DNAH8: variants seen among roughly 807,000 people sequenced by gnomAD.
The protein encoded by DNAH8 is dynein axonemal heavy chain 8.
In DNAH8, 382 loss-of-function variants were observed where a neutral mutation model predicts 562.1. That is an observed-to-expected ratio of 0.68 (90% CI 0.63 to 0.74). DNAH8 has a LOEUF of 0.74. Among genes scored for constraint, DNAH8 ranks in the 30% least tolerant of loss-of-function variants. The probability of loss-of-function intolerance (pLI) is 0.00; values close to 1 mark genes in which losing one functional copy is unlikely to be tolerated. For synonymous variants in DNAH8, 1,881 were observed against 1,919.4 expected (o/e 0.98, Z 0.52); for missense variants, 5,203 against 5,620.4 (o/e 0.93, Z 2.37).
rs1373738757 is a variant in DNAH8 at position 38,973,809 on chromosome 6, T to C, written c.12674T>C (p.Leu4225Pro). 37 of 1,595,996 alleles carry C rather than the reference T, an allele frequency of 2.3e-5. No homozygotes were observed. Among genetic ancestry groups the C allele is most frequent in the Non-Finnish European group, 3.2e-5 (37 of 1,174,560 alleles). ...CATGATCGATTTCCAATTACATTGC[T>C]TCAGGTTTGTTACTAAACGTCTTTT... ...EPHDRFPITL[L>P]QTSLKFTNEP... The change falls in exon 84 of 93, where the codon CTT becomes CCT. Residue 4225 changes from leucine (L) to proline (P), a missense_variant. This residue lies in a region of DNAH8 where 1,399 missense variants were observed against 1,518.4 expected (regional missense o/e 0.92). Transcript: ENST00000327475.
Position 38,956,047 on chromosome 6 carries a change from C to T in DNAH8, c.12451+4527C>T, listed in dbSNP as rs552409984. ...ACACTAGTGTCTCAGTGCAGAGGCT[C>T]GTCTGCCTGCCAACATCGATCTTGG... is the stretch of plus-strand genomic sequence containing the variant. On this transcript the variant is annotated intron_variant, in intron 82 of 92. Transcript: ENST00000327475. Among the ~76,000 whole-genome samples, 3 of 152,328 alleles carry T rather than the reference C, an allele frequency of 2.0e-5. No homozygotes were observed. The South Asian group carries it at 6.2e-4, about 32-fold the overall frequency.
chr6:38,996,637 C>T (rs1175776596), intron 88 of DNAH8, among the ~76,000 whole-genome samples: 1 of 152,126 alleles, frequency 6.6e-6, no homozygotes, highest in East Asian at 1.9e-4. Context: ...GGATGCAGGC[C>T]TAGAATAGGG....
chr6:38,850,502 T>G, intron 38 of DNAH8, 88 bp downstream of exon 38: 2 of 1,211,450 alleles, frequency 1.7e-6, no homozygotes, highest in Non-Finnish European at 2.3e-6. Flanking sequence ...ATTTCTGGTT[T>G]GGTAGTGATG....
At chr6:38,875,882 T>C in intron 53 of DNAH8, 54 bp downstream of exon 53, 1 of 1,175,732 alleles carries the variant, frequency 8.5e-7, no homozygotes, top group Non-Finnish European at 1.2e-6. Context: ...AATGAGAAAA[T>C]ATAAGCTTTC....
chr6:38,966,207 T>C (rs567192133), intron 82 of DNAH8, among the ~76,000 whole-genome samples: 2 of 152,268 alleles, frequency 1.3e-5, no homozygotes, highest in African/African-American at 4.8e-5. Flanking sequence ...CCTAAGGGAA[T>C]ACTGTGAACA....
At position 38,722,780 on chromosome 6, in the gene DNAH8, C is replaced by T. The variant is rs1475684211; in HGVS notation, c.-30C>T. 3.9e-6 allele frequency: 6 copies of T among 1,528,212 alleles called. No individual in the cohort carries two copies. The highest frequency in any genetic ancestry group is 3.8e-5 in the South Asian group (3 of 78,186). 94.7% of individuals were successfully genotyped at this position (1,528,212 alleles called of 1,614,324 possible). ...GAACCTATGTTATAATTCTAGGTTT[C>T]GAAGTATAAAGCATTCCGCACGACG... On this transcript the variant is annotated 5_prime_UTR_variant, in exon 2 of 93. Coordinates refer to ENST00000327475, the MANE Select transcript of DNAH8 (RefSeq NM_001206927.2).
In DNAH8 at chr6:38,791,558, A is replaced by C; in HGVS notation, c.2785A>C (p.Ser929Arg). ...CTTACATTTTTCTTCCTTGTAGATC[A>C]GTGACTTGTGTGAAATGCATATTGA... ...DMFNQLLKKI[S>R]DLCEMHIDTV... is the part of the protein sequence containing the mutation. Residue 929 changes from serine (S) to arginine (R), a missense_variant, in exon 21 of 93, where the codon AGT becomes CGT. Ser to Arg is a moderately radical substitution (Grantham distance 110). Coordinates refer to ENST00000327475, the MANE Select transcript of DNAH8 (RefSeq NM_001206927.2). The C allele has an allele frequency of 6.2e-7, 1 of 1,608,224 alleles. No individual in the cohort carries two copies. Among genetic ancestry groups the C allele is most frequent in the Non-Finnish European group, 8.5e-7 (1 of 1,178,660 alleles).
In DNAH8 at chr6:38,872,949, C is replaced by T. The variant is rs544209258; in HGVS notation, c.7281C>T (p.Ile2427=). 1 of 1,614,084 alleles carries T rather than the reference C, an allele frequency of 6.2e-7. No homozygotes were observed. The highest frequency in any genetic ancestry group is 1.1e-5 in the South Asian group (1 of 91,082). The change falls in exon 51 of 93, where the codon ATC becomes ATT. Residue 2427 remains isoleucine (I), a synonymous_variant. Transcript: ENST00000327475. ...FLILDGPVDA[I]WIENLNSVLD... is the part of the protein sequence containing the mutation. ...TTTTAGATGGTCCTGTGGATGCCAT[C>T]TGGATTGAGAACTTAAATTCCGTTT... is the stretch of plus-strand genomic sequence containing the variant.
intron 9 of DNAH8, among the ~76,000 whole-genome samples, chr6:38,751,550 C>G (rs960134182): frequency 1.3e-5 from 2 of 152,122 alleles, no homozygotes; most frequent in Non-Finnish European, 2.9e-5. Flanking sequence ...GTGACTTTGC[C>G]AGCATCACTC....
intron 26 of DNAH8, among the ~76,000 whole-genome samples, chr6:38,819,746 A>G (rs1415303735): frequency 6.6e-6 from 1 of 152,182 alleles, no homozygotes; most frequent in African/African-American, 2.4e-5. Context: ...AAATCTAGAA[A>G]TAATTGTTAC....
Position 38,866,580 on chromosome 6 carries a change from T to C in DNAH8, c.6499-11T>C, listed in dbSNP as rs749503082. ...TTAGCAATTAAAAATTAAACATATTTTAACTTTTAGAACCCTGGATATGCT... is the reference window on the plus strand; with the variant it reads ...TTAGCAATTAAAAATTAAACATATTCTAACTTTTAGAACCCTGGATATGCT... On this transcript the variant is annotated splice_polypyrimidine_tract_variant and intron_variant, in intron 45 of 92. Transcript: ENST00000327475. 6.3e-7 allele frequency: 1 copy of C among 1,583,882 alleles called. No homozygotes were observed. Among genetic ancestry groups the C allele is most frequent in the Non-Finnish European group, 8.6e-7 (1 of 1,166,730 alleles).
intron 14 of DNAH8, 81 bp downstream of exon 14, chr6:38,778,545 G>T: frequency 2.3e-6 from 2 of 886,644 alleles, no homozygotes; most frequent in Admixed American, 2.3e-5. Context: ...TTAGGATGTT[G>T]TTGGAAATCT....
At chr6:38,725,011 A>G (rs1763089798) in intron 3 of DNAH8, among the ~76,000 whole-genome samples, 1 of 151,972 alleles carries the variant, frequency 6.6e-6, no homozygotes. Context: ...TGCCTAAAAG[A>G]GCTACTCCCG....
chr6:39,028,145 A>G (rs750423778), intron 92 of DNAH8, among the ~76,000 whole-genome samples: 5 of 152,202 alleles, frequency 3.3e-5, no homozygotes, highest in Non-Finnish European at 7.3e-5. Flanking sequence ...GGCAGTTTCA[A>G]AATTCCTCCA....
intron 52 of DNAH8, among the ~76,000 whole-genome samples, chr6:38,874,854 C>A (rs753049290): frequency 2.6e-5 from 4 of 151,946 alleles, no homozygotes; most frequent in African/African-American, 9.7e-5. Flanking sequence ...TATATAAGGC[C>A]GAAATCAGTG....
At position 38,925,286 on chromosome 6, in the gene DNAH8, A is replaced by ATTATTTTATT. The variant is rs72056166; in HGVS notation, c.10963-716_10963-707dup. Among the ~76,000 whole-genome samples, 769 of 130,000 alleles carry ATTATTTTATT rather than the reference A, an allele frequency of 5.9e-3. 44 individuals are homozygous for ATTATTTTATT. In the East Asian group the frequency reaches 0.11, roughly 19 times the overall value. The allele number at this position is 130,000 out of a possible 152,430, so 85.3% of individuals were successfully genotyped here. A position where few individuals can be genotyped will look rare whatever the true frequency, so the allele number is the denominator to read the frequency against. On this transcript the variant is annotated intron_variant, in intron 73 of 92. Transcript: ENST00000327475. The stretch of plus-strand genomic sequence containing the variant: ...GGCTGGTTGGCTCATTGGATCTCTG[A>ATTATTTTATT]TTATTTTATTTTATTTTATTTTATT...
rs16891268 is a variant in DNAH8, at chr6:38,927,352, A to G, written c.11118+1142A>G. 0.012 allele frequency among the ~76,000 whole-genome samples: 1,785 copies of G among 152,316 alleles called. 124 individuals are homozygous for G. In the East Asian group the frequency reaches 0.18, roughly 16 times the overall value. On this transcript the variant is annotated intron_variant, in intron 74 of 92. Coordinates refer to ENST00000327475, the MANE Select transcript of DNAH8 (RefSeq NM_001206927.2). Reference sequence around the variant, plus strand: ...CTCCTGAGATCAGTGCTTCTCATCCAAGTGGATATAGCCCAGTGCTGGGAA... The same window carrying G: ...CTCCTGAGATCAGTGCTTCTCATCCGAGTGGATATAGCCCAGTGCTGGGAA...
chr6:38,863,764 C>G, intron 44 of DNAH8, 109 bp from the exon 45 acceptor site: 1 of 836,086 alleles, frequency 1.2e-6, no homozygotes, highest in Non-Finnish European at 1.8e-6. Flanking sequence ...TGAAACTTTA[C>G]ATAATCCCGT....
intron 3 of DNAH8, among the ~76,000 whole-genome samples, chr6:38,726,090 C>T (rs755690085): frequency 1.3e-5 from 2 of 152,164 alleles, no homozygotes; most frequent in African/African-American, 2.4e-5. Flanking sequence ...TTAGTAGGCC[C>T]AGGCTTTAGG....
Sources: allele counts gnomAD v4.1 joint callset (sites outside exome capture counted in the v4.1 genomes callset), GRCh38; gene constraint gnomAD v4.1.1; regional missense constraint gnomAD v4.1.1; transcripts MANE v1.5; gene names NCBI Gene and HGNC (gene_info 2026-07-23, HGNC 2026-07-21).